The following SLC35F3 variants were observed in gnomAD, a reference collection of about 807,000 sequenced individuals.
SLC35F3 encodes the protein putative thiamine transporter SLC35F3.
Under a neutral mutation model 49.9 loss-of-function variants are expected in SLC35F3, and 25 were observed. The ratio of observed to expected loss-of-function variants is 0.50; its 90% CI spans 0.37 to 0.70. The LOEUF (loss-of-function observed/expected upper bound fraction) is 0.70, where lower values mean the gene tolerates loss of function less well. SLC35F3 is among the 30% of genes least tolerant of loss of function. The pLI is 0.00. For missense variants in SLC35F3, 525 were observed against 639.8 expected (o/e 0.82, Z 1.94); for synonymous variants, 275 against 265.4 (o/e 1.04, Z -0.35).
At position 234,231,160 on chromosome 1, in the gene SLC35F3, G is replaced by T. The variant is rs973919677; in HGVS notation, c.284-257G>T. On this transcript the variant is annotated intron_variant, in intron 2 of 7. Transcript: ENST00000366618. This position sits in a 1 kb window ranked among gnomAD's most constrained non-coding sequence, Gnocchi z 5.4. The stretch of plus-strand genomic sequence containing the variant: ...TGCATTTCCAACACGTTCCGGGGAC[G>T]GACGGGGAAGGGTGCTGACGCTGCC... Among the ~76,000 whole-genome samples, 2 of 152,216 alleles carry T rather than the reference G, an allele frequency of 1.3e-5. No homozygotes were observed. The highest frequency in any genetic ancestry group is 2.9e-5 in the Non-Finnish European group (2 of 68,046).
chr1:234,171,315 G>A lies in SLC35F3; in HGVS notation c.284-60102G>A, dbSNP rs561216644. Among the ~76,000 whole-genome samples the A allele has an allele frequency of 2.0e-5, 3 of 152,276 alleles. No homozygotes were observed. The East Asian group carries it at 5.8e-4, about 29-fold the overall frequency. ...CCCTGGCTTAATTAGTCTGGGATGA[G>A]GCTGGGACACAGGGATTTTTCAAAA... On this transcript the variant is annotated intron_variant, in intron 2 of 7. Coordinates refer to ENST00000366618, the MANE Select transcript of SLC35F3 (RefSeq NM_173508.4).
intron 5 of SLC35F3, among the ~76,000 whole-genome samples, chr1:234,318,132 A>G (rs1657533196): frequency 6.6e-6 from 1 of 152,242 alleles, no homozygotes; most frequent in Non-Finnish European, 1.5e-5. Flanking sequence ...CCCTGGGGCC[A>G]TCTGCATCTC....
chr1:234,091,378 C>G (rs1436184287), intron 2 of SLC35F3, among the ~76,000 whole-genome samples: 1 of 152,194 alleles, frequency 6.6e-6, no homozygotes, highest in Non-Finnish European at 1.5e-5. Context: ...TTCTTCAAGT[C>G]CAACTGGATA....
chr1:234,111,539 C>G (rs562187097), intron 2 of SLC35F3, among the ~76,000 whole-genome samples: 4 of 152,210 alleles, frequency 2.6e-5, no homozygotes, highest in African/African-American at 7.2e-5. Flanking sequence ...GTCATCCGCC[C>G]GCCTCGGCTT....
At chr1:233,955,238 GC>G (rs1309800792) in intron 2 of SLC35F3, among the ~76,000 whole-genome samples, 1 of 152,210 alleles carries the variant, frequency 6.6e-6, no homozygotes, top group Non-Finnish European at 1.5e-5. Flanking sequence ...AACTGAGACA[GC>G]TATACACTTC....
At chr1:233,949,767 C>T (rs866739377) in intron 2 of SLC35F3, among the ~76,000 whole-genome samples, 17 of 152,022 alleles carry the variant, frequency 1.1e-4, no homozygotes, top group African/African-American at 3.6e-4. Flanking sequence ...TCTGCTGTAC[C>T]GCTAAATTAA....
intron 2 of SLC35F3, among the ~76,000 whole-genome samples, chr1:234,128,545 G>A (rs1333468885): frequency 6.6e-6 from 1 of 152,164 alleles, no homozygotes; most frequent in Non-Finnish European, 1.5e-5. Flanking sequence ...CTGAGAACTG[G>A]AAATGAGCAA....
intron 3 of SLC35F3, among the ~76,000 whole-genome samples, chr1:234,253,462 A>AG (rs1481889367): frequency 1.3e-5 from 2 of 151,898 alleles, no homozygotes. Flanking sequence ...GAATTTAAAA[A>AG]AAAAAAGGAG....
At chr1:234,268,492 A>G (rs1668044443) in intron 3 of SLC35F3, 1 of 152,378 alleles carries the variant, frequency 6.6e-6, no homozygotes. Context: ...GGAGAGGGAG[A>G]GAAAGCACAT....
chr1:234,025,484 GT>G (rs59131450), intron 2 of SLC35F3, among the ~76,000 whole-genome samples: 1 of 152,122 alleles, frequency 6.6e-6, no homozygotes, highest in Admixed American at 6.5e-5. Context: ...AATGTCTGTT[GT>G]TTTTTGACAT....
At chr1:234,116,732 A>G (rs968807666) in intron 2 of SLC35F3, among the ~76,000 whole-genome samples, 9 of 152,064 alleles carry the variant, frequency 5.9e-5, no homozygotes, top group African/African-American at 9.7e-5. Flanking sequence ...CAGGCTGGTC[A>G]TGAACTCCTG....
At chr1:233,935,189 CTTTTTTTTT>C (rs35418747) in intron 2 of SLC35F3, among the ~76,000 whole-genome samples, 811 of 50,320 alleles carry the variant, frequency 0.016, 6 homozygotes, top group Non-Finnish European at 0.022. Flanking sequence ...TTTCCTTGCC[CTTTTTTTTT>C]TTTTTTTTTT....
intron 2 of SLC35F3, among the ~76,000 whole-genome samples, chr1:234,141,441 T>C (rs1208499979): frequency 6.6e-6 from 1 of 152,186 alleles, no homozygotes; most frequent in Non-Finnish European, 1.5e-5. Context: ...ATTTCGTACA[T>C]ACTTCTTGAT....
At chr1:234,154,055 C>G (rs1173301556) in intron 2 of SLC35F3, among the ~76,000 whole-genome samples, 2 of 150,492 alleles carry the variant, frequency 1.3e-5, no homozygotes, top group African/African-American at 4.9e-5. Flanking sequence ...GAGCGAGACT[C>G]CGTCTCAAAA....
intron 2 of SLC35F3, among the ~76,000 whole-genome samples, chr1:234,029,336 T>A (rs1202122782): frequency 2.0e-5 from 3 of 152,170 alleles, no homozygotes; most frequent in Non-Finnish European, 4.4e-5. Context: ...TTCCCGCAGA[T>A]GGCACAGGCT....
intron 2 of SLC35F3, among the ~76,000 whole-genome samples, chr1:234,006,398 A>G (rs1339123982): frequency 1.3e-5 from 2 of 152,186 alleles, no homozygotes; most frequent in Non-Finnish European, 2.9e-5. Flanking sequence ...ACCAAGAGCA[A>G]TCTTTGGTTA....
At chr1:233,992,518 C>G (rs1350570369) in intron 2 of SLC35F3, among the ~76,000 whole-genome samples, 2 of 152,164 alleles carry the variant, frequency 1.3e-5, no homozygotes, top group South Asian at 4.1e-4. Flanking sequence ...AGGAACTAAT[C>G]TGTTCCCATG....
rs1042024681 is a variant in SLC35F3, at chr1:234,320,893, T to C, written c.1237+706T>C. Reference sequence around the variant, plus strand: ...TTCTTCCCAGAACCTCCTGGCCTCATACCTGACCTCCCTAGGCATCCTTCT... The same window carrying C: ...TTCTTCCCAGAACCTCCTGGCCTCACACCTGACCTCCCTAGGCATCCTTCT... On this transcript the variant is annotated intron_variant, in intron 7 of 7. Coordinates refer to ENST00000366618, the MANE Select transcript of SLC35F3 (RefSeq NM_173508.4). The surrounding 1 kb of genome is among the most constrained non-coding windows in gnomAD (Gnocchi z 4.8). Among the ~76,000 whole-genome samples the C allele has an allele frequency of 3.3e-5, 5 of 152,140 alleles. No individual in the cohort carries two copies. Among genetic ancestry groups the C allele is most frequent in the African/African-American group, 1.2e-4 (5 of 41,418 alleles).
intron 2 of SLC35F3, among the ~76,000 whole-genome samples, chr1:233,960,799 G>T (rs560546243): frequency 2.0e-4 from 30 of 152,266 alleles, no homozygotes; most frequent in African/African-American, 7.0e-4. Flanking sequence ...TGTCTGAAAT[G>T]GGGTACCTAA....
Sources: allele counts gnomAD v4.1 joint callset (sites outside exome capture counted in the v4.1 genomes callset), GRCh38; gene constraint gnomAD v4.1.1; non-coding constraint Gnocchi (gnomAD v3.1); transcripts MANE v1.5; gene names NCBI Gene and HGNC (gene_info 2026-07-23, HGNC 2026-07-21).